ARHGAP28: variants seen among roughly 807,000 people sequenced by gnomAD.
The protein encoded by ARHGAP28 is rho GTPase-activating protein 28.
ARHGAP28 carries 56 observed loss-of-function variants against 90.7 expected under a neutral mutation model. The ratio of observed to expected loss-of-function variants is 0.62; its 90% confidence interval spans 0.50 to 0.77. The LOEUF (loss-of-function observed/expected upper bound fraction) is 0.77, where lower values mean the gene tolerates loss of function less well. ARHGAP28 is among the 30% of genes least tolerant of loss of function. The pLI is 0.00. For missense variants in ARHGAP28, 869 were observed against 900.9 expected (o/e 0.96, Z 0.45); for synonymous variants, 308 against 323.3 (o/e 0.95, Z 0.51).
chr18:6,827,712 T>C (rs1485224856), intron 2 of ARHGAP28, among the ~76,000 whole-genome samples: 1 of 149,498 alleles, frequency 6.7e-6, no homozygotes, highest in South Asian at 2.1e-4. Context: ...CCAGACGGTG[T>C]GGTTGCCGGG....
intron 2 of ARHGAP28, among the ~76,000 whole-genome samples, chr18:6,833,225 G>A (rs907646898): frequency 6.6e-6 from 1 of 151,868 alleles, no homozygotes; most frequent in African/African-American, 2.4e-5. Flanking sequence ...GGTATTATAT[G>A]TATATATACA....
chr18:6,807,136 G>A (rs1473435822), intron 1 of ARHGAP28, among the ~76,000 whole-genome samples: 1 of 151,916 alleles, frequency 6.6e-6, no homozygotes, highest in African/African-American at 2.4e-5. Context: ...TGAATCTGTG[G>A]TTTTTGTGTT....
chr18:6,856,896 A>G (rs1329653660), intron 4 of ARHGAP28, among the ~76,000 whole-genome samples: 1 of 152,162 alleles, frequency 6.6e-6, no homozygotes, highest in Non-Finnish European at 1.5e-5. Context: ...TTAATTTATA[A>G]TAATTTTGAG....
rs372704650 is a variant in ARHGAP28, at chr18:6,839,332, C to G, written c.543+1918C>G. Reference sequence around the variant, plus strand: ...TTTTTGAGACAGCGTCTCGCTCTGTCGCCCAGGCTGGAGTGCAGTGGCGCA... The same window carrying G: ...TTTTTGAGACAGCGTCTCGCTCTGTGGCCCAGGCTGGAGTGCAGTGGCGCA... On this transcript the variant is annotated intron_variant, in intron 3 of 17. Transcript: ENST00000383472. Among the ~76,000 whole-genome samples, 59 of 140,706 alleles carry G rather than the reference C, an allele frequency of 4.2e-4. 2 individuals are homozygous for G. The South Asian group carries it at 8.7e-3, about 21-fold the overall frequency. The allele number at this position is 140,706 out of a possible 152,430, so 92.3% of individuals were successfully genotyped here.
intron 1 of ARHGAP28, among the ~76,000 whole-genome samples, chr18:6,802,335 CTTTTTTTT>C (rs35950139): frequency 9.5e-5 from 5 of 52,754 alleles, no homozygotes; most frequent in African/African-American, 3.8e-4. Flanking sequence ...TATGGTAGTT[CTTTTTTTT>C]TTTTTTTTTT....
chr18:6,856,147 T>A (rs529616644), intron 4 of ARHGAP28, among the ~76,000 whole-genome samples: 1 of 152,358 alleles, frequency 6.6e-6, no homozygotes, highest in East Asian at 1.9e-4. Context: ...CTAAGGATTC[T>A]GTGAAATTAG....
intron 1 of ARHGAP28, among the ~76,000 whole-genome samples, chr18:6,792,580 A>G (rs1406699403): frequency 6.6e-6 from 1 of 152,236 alleles, no homozygotes; most frequent in Non-Finnish European, 1.5e-5. Flanking sequence ...ACGCTCCCAC[A>G]GCATTCCAGA....
intron 1 of ARHGAP28, among the ~76,000 whole-genome samples, chr18:6,739,312 G>A (rs1165746854): frequency 6.6e-6 from 1 of 152,058 alleles, no homozygotes; most frequent in African/African-American, 2.4e-5. Context: ...ATTCAGTGTT[G>A]ATTTAGTCTT....
chr18:6,791,293 A>T (rs1183903798), intron 1 of ARHGAP28: 1 of 152,190 alleles, frequency 6.6e-6, no homozygotes, highest in Admixed American at 6.5e-5. Flanking sequence ...CCTGCTTTAT[A>T]TTCACTGGCA....
At chr18:6,901,690 G>A (rs1567988298) in intron 16 of ARHGAP28, among the ~76,000 whole-genome samples, 1 of 152,058 alleles carries the variant, frequency 6.6e-6, no homozygotes, top group Non-Finnish European at 1.5e-5. Context: ...AACCGTTCAG[G>A]TCATCAAAAC....
intron 16 of ARHGAP28, among the ~76,000 whole-genome samples, chr18:6,902,643 T>TA (rs11405969): frequency 0.021 from 3,260 of 152,282 alleles, 99 homozygotes; most frequent in African/African-American, 0.075. Flanking sequence ...ATGGCTATCT[T>TA]AAAAAATAAA....
intron 16 of ARHGAP28, among the ~76,000 whole-genome samples, chr18:6,901,472 G>A (rs2057337914): frequency 6.6e-6 from 1 of 150,490 alleles, no homozygotes; most frequent in South Asian, 2.1e-4. Context: ...AGGTGATCGG[G>A]TTAATATTAA....
intron 1 of ARHGAP28, among the ~76,000 whole-genome samples, chr18:6,801,754 T>C (rs2056483785): frequency 3.3e-5 from 5 of 152,310 alleles, no homozygotes; most frequent in African/African-American, 1.2e-4. Flanking sequence ...GTCTTTTCTT[T>C]ATTCCAGAAA....
Position 6,777,923 on chromosome 18 carries a change from A to C in ARHGAP28, c.123-46839A>C, listed in dbSNP as rs141246928. Among the ~76,000 whole-genome samples, 358 of 152,068 alleles carry C rather than the reference A, an allele frequency of 2.4e-3. 2 individuals carry two copies. The highest frequency in any genetic ancestry group is 7.5e-3 in the African/African-American group (313 of 41,498). On this transcript the variant is annotated intron_variant, in intron 1 of 17. Transcript: ENST00000383472. ...TTTTGAAGGTCTGACCCTCCTTAGC[A>C]TTTTTCCGATCTGGTGGCTACACTG... is the stretch of plus-strand genomic sequence containing the variant.
chr18:6,771,067 TG>T (rs2056239001), intron 1 of ARHGAP28, among the ~76,000 whole-genome samples: 1 of 152,114 alleles, frequency 6.6e-6, no homozygotes, highest in African/African-American at 2.4e-5. Context: ...GACAGGGTTT[TG>T]CTCTGTCACC....
intron 10 of ARHGAP28, 24 bp from the exon 11 acceptor site, chr18:6,882,113 C>G: frequency 6.3e-7 from 1 of 1,599,606 alleles, no homozygotes; most frequent in Non-Finnish European, 8.5e-7. Flanking sequence ...GCATTGAATA[C>G]TGACTGTTTT....
Position 6,746,506 on chromosome 18 carries a change from C to T in ARHGAP28, c.122+16563C>T, listed in dbSNP as rs1014552647. Among the ~76,000 whole-genome samples, 27 of 152,166 alleles carry T rather than the reference C, an allele frequency of 1.8e-4. 1 individual carries two copies. Among genetic ancestry groups the T allele is most frequent in the African/African-American group, 2.7e-4 (11 of 41,438 alleles). On this transcript the variant is annotated intron_variant, in intron 1 of 17. Transcript: ENST00000383472. ...TCCTGTTTTAGACAGCTTTCTACTCCGCCTACTCATGAGGCTTGTGTAGCA... is the reference window on the plus strand; with the variant it reads ...TCCTGTTTTAGACAGCTTTCTACTCTGCCTACTCATGAGGCTTGTGTAGCA...
chr18:6,828,114 C>A (rs967066969), intron 2 of ARHGAP28, among the ~76,000 whole-genome samples: 2 of 152,146 alleles, frequency 1.3e-5, no homozygotes, highest in Non-Finnish European at 2.9e-5. Context: ...CTTGGGAGGC[C>A]GAGGCTGGCA....
chr18:6,749,580 T>C (rs1220910896), intron 1 of ARHGAP28, among the ~76,000 whole-genome samples: 3 of 152,216 alleles, frequency 2.0e-5, no homozygotes, highest in Non-Finnish European at 4.4e-5. Flanking sequence ...TCATGCTTTT[T>C]CACATTGTAT....
Sources: gnomAD v4.1 joint callset for allele counts (sites outside exome capture counted in the v4.1 genomes callset) on GRCh38, gnomAD v4.1.1 for gene constraint, MANE v1.5 for transcripts, NCBI Gene and HGNC (gene_info 2026-07-23, HGNC 2026-07-21) for gene names.